MCC: variants seen among roughly 807,000 people sequenced by gnomAD.
The protein encoded by MCC is MCC regulator of Wnt signaling pathway.
MCC carries 90 observed loss-of-function variants against 116.2 expected under a neutral mutation model. That is an observed-to-expected ratio of 0.77 (90% CI 0.65 to 0.92). The LOEUF is 0.92. MCC is among the 40% of genes least tolerant of loss of function. MCC has a pLI of 0.00. For missense variants in MCC, 1,516 were observed against 1,312.2 expected, an observed-to-expected ratio of 1.16 and a Z score of -2.40; for synonymous variants, 578 against 510.5, an observed-to-expected ratio of 1.13 and a Z score of -1.78.
rs1184856725 is a variant in MCC, at chr5:113,025,879, T to C, written c.*1423A>G. On this transcript the variant is annotated 3_prime_UTR_variant, in exon 19 of 19. Coordinates refer to ENST00000408903, the MANE Select transcript of MCC (RefSeq NM_001085377.2). ...TGAAAATAGACCTACCCGTAGCTTA[T>C]GGACATAAAGACTCTATGCAGAAAC... 1 of 152,180 alleles carries C rather than the reference T, an allele frequency of 6.6e-6. No homozygotes were observed. Among genetic ancestry groups the C allele is most frequent in the Non-Finnish European group, 1.5e-5 (1 of 68,038 alleles). 9.4% of individuals were successfully genotyped at this position (152,180 alleles called of 1,614,324 possible).
intron 2 of MCC, among the ~76,000 whole-genome samples, chr5:113,366,628 T>C (rs1768694888): frequency 6.6e-6 from 1 of 152,118 alleles, no homozygotes; most frequent in South Asian, 2.1e-4. Flanking sequence ...CCAGAGTCCA[T>C]AAGGTCATGT....
chr5:113,412,679 G>C (rs531209265), intron 1 of MCC, among the ~76,000 whole-genome samples: 1 of 152,206 alleles, frequency 6.6e-6, no homozygotes, highest in Non-Finnish European at 1.5e-5. Context: ...GGGCTGAGAT[G>C]ATGGGGTTTT....
intron 7 of MCC, among the ~76,000 whole-genome samples, chr5:113,103,339 G>C (rs1304135296): frequency 6.6e-6 from 1 of 152,172 alleles, no homozygotes; most frequent in Non-Finnish European, 1.5e-5. Context: ...CTGGTTGGTA[G>C]AGGCCCTTGG....
chr5:113,254,505 G>A (rs574738609), intron 3 of MCC, among the ~76,000 whole-genome samples: 2 of 152,284 alleles, frequency 1.3e-5, no homozygotes, highest in South Asian at 2.1e-4. Context: ...TATTACTTCT[G>A]TAAATGAGAA....
In MCC at chr5:113,358,565, A is replaced by G. The variant is rs1768469668; in HGVS notation, c.416-17835T>C. Among the ~76,000 whole-genome samples the G allele has an allele frequency of 2.0e-5, 3 of 152,320 alleles. No individual in the cohort carries two copies. The South Asian group carries it at 6.2e-4, about 32-fold the overall frequency. On this transcript the variant is annotated intron_variant, in intron 2 of 18. Coordinates refer to ENST00000408903, the MANE Select transcript of MCC (RefSeq NM_001085377.2). ...TATTGTCTATGTTTAGTGGCCCTGT[A>G]TCTTTCAGTTATGTGGGTTCTTTAG...
intron 1 of MCC, among the ~76,000 whole-genome samples, chr5:113,414,222 T>C (rs1407516731): frequency 6.6e-6 from 1 of 152,232 alleles, no homozygotes; most frequent in African/African-American, 2.4e-5. Flanking sequence ...TGCGATTTGG[T>C]GCTGAGAAGG....
At chr5:113,487,593 C>T (rs762224636) in intron 1 of MCC, among the ~76,000 whole-genome samples, 2 of 152,252 alleles carry the variant, frequency 1.3e-5, no homozygotes, top group African/African-American at 2.4e-5. Context: ...CGAAGCTCAC[C>T]TGGTCAGCGC....
intron 3 of MCC, among the ~76,000 whole-genome samples, chr5:113,258,844 A>G (rs1765119390): frequency 6.6e-6 from 1 of 152,226 alleles, no homozygotes; most frequent in South Asian, 2.1e-4. Context: ...TAAAATATAT[A>G]AAGTAATATA....
intron 14 of MCC, among the ~76,000 whole-genome samples, chr5:113,059,355 C>T (rs563252937): frequency 1.5e-4 from 23 of 152,248 alleles, no homozygotes; most frequent in South Asian, 1.5e-3. Context: ...CGTTTCACTG[C>T]GGAATATGAT....
chr5:113,333,832 TATGTATATATGTATATATGTAC>T (rs1767774614), intron 3 of MCC, among the ~76,000 whole-genome samples: 2 of 106,972 alleles, frequency 1.9e-5, no homozygotes, highest in African/African-American at 7.6e-5. Context: ...TATATGTATA[TATGTATATATGTATATATGTAC>T]ATATATGTAT....
chr5:113,047,783 C>A (rs150633025), intron 16 of MCC, among the ~76,000 whole-genome samples: 456 of 149,200 alleles, frequency 3.1e-3, no homozygotes, highest in African/African-American at 0.01. Flanking sequence ...TTTCCCAACA[C>A]AGTATTTGGA....
intron 1 of MCC, among the ~76,000 whole-genome samples, chr5:113,460,255 T>C (rs1230249482): frequency 2.0e-5 from 3 of 152,170 alleles, no homozygotes; most frequent in Non-Finnish European, 4.4e-5. Context: ...TGACAATTTG[T>C]GGACACAAGA....
At chr5:113,442,391 G>C (rs1771067420) in intron 1 of MCC, among the ~76,000 whole-genome samples, 1 of 152,028 alleles carries the variant, frequency 6.6e-6, no homozygotes, top group African/African-American at 2.4e-5. Flanking sequence ...GCAGATTCTG[G>C]ATATTAGCCC....
chr5:113,364,859 G>C (rs1162960165), intron 2 of MCC, among the ~76,000 whole-genome samples: 2 of 152,202 alleles, frequency 1.3e-5, no homozygotes, highest in Admixed American at 1.3e-4. Flanking sequence ...TTTGAGCCAA[G>C]TCTGGAGCTG....
chr5:113,387,590 G>T (rs1459704430), intron 1 of MCC, among the ~76,000 whole-genome samples: 2 of 152,134 alleles, frequency 1.3e-5, no homozygotes, highest in East Asian at 3.8e-4. Flanking sequence ...CCAAATTCTA[G>T]AAGTTCATGT....
chr5:113,137,297 C>T (rs770639005), intron 5 of MCC, among the ~76,000 whole-genome samples: 4 of 152,130 alleles, frequency 2.6e-5, no homozygotes, highest in Non-Finnish European at 5.9e-5. Flanking sequence ...AAACCAGTCA[C>T]CTCCCTCCCT....
intron 4 of MCC, among the ~76,000 whole-genome samples, chr5:113,144,464 TC>T (rs1317216931): frequency 6.6e-6 from 1 of 152,244 alleles, no homozygotes; most frequent in Non-Finnish European, 1.5e-5. Context: ...ATATGTGCTT[TC>T]CAGCGTTGCA....
intron 3 of MCC, among the ~76,000 whole-genome samples, chr5:113,213,958 C>T (rs1364344263): frequency 1.3e-5 from 2 of 152,186 alleles, no homozygotes; most frequent in African/African-American, 2.4e-5. Flanking sequence ...CTAAGTCCTC[C>T]TCATTCCTAA....
At chr5:113,085,126 G>T in intron 9 of MCC, 38 bp downstream of exon 9, 2 of 1,613,350 alleles carry the variant, frequency 1.2e-6, no homozygotes, top group Non-Finnish European at 1.7e-6. Flanking sequence ...GATAACAGGA[G>T]GTGTTCCCGC....
Sources: gnomAD v4.1 joint callset for allele counts (sites outside exome capture counted in the v4.1 genomes callset) on GRCh38, gnomAD v4.1.1 for gene constraint, MANE v1.5 for transcripts, NCBI Gene and HGNC (gene_info 2026-07-23, HGNC 2026-07-21) for gene names.